The following SAMM50 variants were observed in gnomAD, a reference collection of about 807,000 sequenced individuals.
SAMM50 encodes the protein sorting and assembly machinery component 50 homolog.
A neutral mutation model predicts 66.9 loss-of-function variants in SAMM50; 47 were observed. That is an observed-to-expected ratio of 0.70 (90% CI 0.56 to 0.90). The LOEUF (loss-of-function observed/expected upper bound fraction) is 0.90, where lower values mean the gene tolerates loss of function less well. Among genes scored for constraint, SAMM50 ranks in the 40% least tolerant of loss-of-function variants. SAMM50 has a pLI of 0.00. For synonymous variants in SAMM50, 191 were observed against 214.1 expected (o/e 0.89, Z 0.94); for missense variants, 535 against 595.3 (o/e 0.90, Z 1.05).
intron 1 of SAMM50, among the ~76,000 whole-genome samples, chr22:43,958,961 C>T (rs6006463): frequency 0.014 from 2,150 of 151,218 alleles, 53 homozygotes; most frequent in African/African-American, 0.05. Flanking sequence ...TTATGTCAAA[C>T]AAAATTTTGT....
At chr22:43,980,285 C>A (rs1002504051) in intron 10 of SAMM50, among the ~76,000 whole-genome samples, 3 of 135,726 alleles carry the variant, frequency 2.2e-5, no homozygotes, top group African/African-American at 8.5e-5. Flanking sequence ...TCTCAAGGAA[C>A]TTCCATTCTT....
chr22:43,986,802 C>G (rs544465622), intron 12 of SAMM50: 1 of 152,282 alleles, frequency 6.6e-6, no homozygotes, highest in East Asian at 1.9e-4. Context: ...ATCTGCCCGC[C>G]TTGGCCCCCC....
intron 7 of SAMM50, among the ~76,000 whole-genome samples, chr22:43,974,174 C>T (rs2050219148): frequency 6.6e-6 from 1 of 152,148 alleles, no homozygotes; most frequent in South Asian, 2.1e-4. Context: ...CAGCTGTGGG[C>T]TTGTTAGAAA....
chr22:43,973,833 GA>G (rs1379026587), intron 7 of SAMM50, among the ~76,000 whole-genome samples: 1 of 151,952 alleles, frequency 6.6e-6, no homozygotes, highest in Admixed American at 6.6e-5. Context: ...GGCTGGTCTC[GA>G]ACTCCCGACC....
intron 12 of SAMM50, chr22:43,986,401 T>C (rs2050294247): frequency 6.6e-6 from 1 of 152,182 alleles, no homozygotes; most frequent in Admixed American, 6.5e-5. Flanking sequence ...GGCTTTATCG[T>C]ACTTTCTGGG....
intron 10 of SAMM50, among the ~76,000 whole-genome samples, chr22:43,980,828 T>G (rs1334118355): frequency 2.0e-5 from 3 of 152,160 alleles, no homozygotes; most frequent in Non-Finnish European, 4.4e-5. Flanking sequence ...AGGACATTGT[T>G]GAGAAGGTTT....
chr22:43,960,483 C>G (rs1306928835), intron 1 of SAMM50, among the ~76,000 whole-genome samples: 1 of 152,162 alleles, frequency 6.6e-6, no homozygotes, highest in African/African-American at 2.4e-5. Context: ...AATCCCAGCA[C>G]TCTGGGAGGC....
In SAMM50 at chr22:43,968,615, T is replaced by G. The variant is rs111450068; in HGVS notation, c.235-116T>G. The G allele has an allele frequency of 3.2e-3, 2,346 of 733,922 alleles. 52 individuals are homozygous for G. In the African/African-American group the frequency reaches 0.037, roughly 12 times the overall value. The allele number at this position is 733,922 out of a possible 1,614,324, so 45.5% of individuals were successfully genotyped here. A position where few individuals can be genotyped will look rare whatever the true frequency, so the allele number is the denominator to read the frequency against. ...GGCTGGTCTTGGTAGTGCTCTCTGC[T>G]CAGTGATCTGACTTAGCACCGAATG... is the stretch of plus-strand genomic sequence containing the variant. On this transcript the variant is annotated intron_variant, in intron 3 of 14. Coordinates refer to ENST00000350028, the MANE Select transcript of SAMM50 (RefSeq NM_015380.5).
intron 12 of SAMM50, chr22:43,986,516 T>C (rs536764047): frequency 2.0e-5 from 3 of 152,190 alleles, no homozygotes; most frequent in Non-Finnish European, 4.4e-5. Context: ...AGTGGATGCA[T>C]ATTATTCCAT....
intron 14 of SAMM50, 116 bp downstream of exon 14, chr22:43,990,522 A>T (rs1247135891): frequency 2.3e-5 from 24 of 1,053,278 alleles, no homozygotes; most frequent in Middle Eastern, 2.1e-4. Flanking sequence ...TAAGAGAATT[A>T]AATAGTTGCA....
chr22:43,960,647 C>A (rs533038992), intron 1 of SAMM50, among the ~76,000 whole-genome samples: 1 of 152,016 alleles, frequency 6.6e-6, no homozygotes, highest in African/African-American at 2.4e-5. Context: ...GAGAATGGCT[C>A]GAACCCGGGA....
rs550589686 is a variant in SAMM50, at chr22:43,993,468, G to A, written c.1365-2870G>A. Among the ~76,000 whole-genome samples the A allele has an allele frequency of 2.2e-4, 34 of 152,334 alleles. 1 individual carries two copies. The highest frequency in any genetic ancestry group is 3.5e-4 in the Non-Finnish European group (24 of 68,032). ...TTCAGCTTTACTTCCGTCTCTTCAG[G>A]TTAAATCTAAAAAACACGTTTCAGA... On this transcript the variant is annotated intron_variant, in intron 14 of 14. Transcript: ENST00000350028.
chr22:43,965,113 T>C (rs1225599514), intron 3 of SAMM50, among the ~76,000 whole-genome samples: 2 of 150,624 alleles, frequency 1.3e-5, no homozygotes, highest in East Asian at 3.9e-4. Flanking sequence ...CGGGTCCAGC[T>C]GGCTCCTTTG....
intron 12 of SAMM50, among the ~76,000 whole-genome samples, chr22:43,984,769 C>T (rs140382195): frequency 0.016 from 2,411 of 152,208 alleles, 72 homozygotes; most frequent in African/African-American, 0.055. Context: ...GCTGGGATTA[C>T]AGGCACACAC....
intron 1 of SAMM50, 137 bp downstream of exon 1, chr22:43,955,735 G>A: frequency 1.0e-6 from 1 of 959,124 alleles, no homozygotes; most frequent in Non-Finnish European, 1.5e-6. Context: ...CTGGGTGGAG[G>A]AGGCCGAAAA....
At chr22:43,980,932 T>C (rs1393098562) in intron 10 of SAMM50, among the ~76,000 whole-genome samples, 2 of 152,044 alleles carry the variant, frequency 1.3e-5, no homozygotes, top group Non-Finnish European at 2.9e-5. Context: ...GGGTTGGGAG[T>C]GCGTCTCTGC....
At chr22:43,982,483 A>G (rs2050269619) in intron 11 of SAMM50, among the ~76,000 whole-genome samples, 1 of 152,206 alleles carries the variant, frequency 6.6e-6, no homozygotes, top group Non-Finnish European at 1.5e-5. Context: ...ATGCAGGTGT[A>G]GCACCGAGGG....
chr22:43,988,488 G>GTT (rs145627994), intron 12 of SAMM50: 1 of 152,292 alleles, frequency 6.6e-6, no homozygotes, highest in Admixed American at 6.5e-5. Flanking sequence ...GGACAGGAAC[G>GTT]TTTTTAGAAA....
intron 1 of SAMM50, among the ~76,000 whole-genome samples, chr22:43,961,895 T>G (rs1379010381): frequency 2.6e-5 from 4 of 152,120 alleles, no homozygotes; most frequent in Admixed American, 2.6e-4. Context: ...TCTTTATGTT[T>G]TATTTTTACT....
Sources: gnomAD v4.1 joint callset for allele counts (sites outside exome capture counted in the v4.1 genomes callset) on GRCh38, gnomAD v4.1.1 for gene constraint, MANE v1.5 for transcripts, NCBI Gene and HGNC (gene_info 2026-07-23, HGNC 2026-07-21) for gene names.